Variants in NHSL2 observed in about 807,000 individuals in gnomAD.
NHSL2 encodes NHS like 2.
NHSL2 carries 27 observed loss-of-function variants against 53.4 expected under a neutral mutation model. That is an observed-to-expected ratio of 0.51 (90% CI 0.37 to 0.70). NHSL2 has a LOEUF of 0.70. Among genes scored for constraint, NHSL2 ranks in the 30% least tolerant of loss-of-function variants. The probability of loss-of-function intolerance (pLI) is 0.00; values close to 1 mark genes in which losing one functional copy is unlikely to be tolerated. For missense variants in NHSL2, 892 were observed against 980.1 expected (o/e 0.91, Z 1.20); for synonymous variants, 408 against 404.1 (o/e 1.01, Z -0.12).
At chrX:72,009,371 C>G (rs894703586) in intron 1 of NHSL2, among the ~76,000 whole-genome samples, 1 of 112,446 alleles carries the variant, frequency 8.9e-6, no homozygotes, top group African/African-American at 3.2e-5. Flanking sequence ...CAAACCTAAC[C>G]CGAAGCCAGA....
chrX:72,046,664 A>C (rs893861487), intron 1 of NHSL2, among the ~76,000 whole-genome samples: 10 of 110,381 alleles, frequency 9.1e-5, no homozygotes, highest in Non-Finnish European at 1.9e-4. Flanking sequence ...TAGACTGAGG[A>C]TTATGCTCTC....
At chrX:72,106,168 G>A (rs1006969890) in intron 1 of NHSL2, among the ~76,000 whole-genome samples, 1 of 110,047 alleles carries the variant, frequency 9.1e-6, no homozygotes, top group African/African-American at 3.3e-5. Flanking sequence ...CCGAGATCGC[G>A]CCACTGCACT....
At chrX:71,917,595 A>G (rs1367260732) in intron 1 of NHSL2, among the ~76,000 whole-genome samples, 1 of 110,449 alleles carries the variant, frequency 9.1e-6, no homozygotes, top group African/African-American at 3.3e-5. Context: ...ACAGTGAGCC[A>G]TAGTGCTGTG....
Position 71,911,144 on chromosome X carries a change from G to T in NHSL2, c.57G>T (p.Pro19=). The T allele has an allele frequency of 8.9e-7, 1 of 1,118,837 alleles. No homozygotes were observed. Among genetic ancestry groups the T allele is most frequent in the East Asian group, 3.6e-5 (1 of 27,675 alleles). The allele number at this position is 1,118,837 out of a possible 1,213,427, so 92.2% of individuals were successfully genotyped here. ...AGCGCCTGTGCCCGCGCAACCCGCC[G>T]CAGCAGCTGGCGGAGCTCCGCGACG... ...VPQRLCPRNP[P]QQLAELRDVS... The change falls in exon 1 of 8, where the codon CCG becomes CCT. Residue 19 remains proline (P), a synonymous_variant. Transcript: ENST00000633930.
chrX:71,981,367 G>A (rs761542771), intron 1 of NHSL2, among the ~76,000 whole-genome samples: 7 of 110,141 alleles, frequency 6.4e-5, no homozygotes, highest in East Asian at 5.7e-4. Context: ...CAAACATGGC[G>A]AAACCCCATC....
At chrX:72,040,232 G>A (rs1010121705) in intron 1 of NHSL2, among the ~76,000 whole-genome samples, 1 of 111,686 alleles carries the variant, frequency 9.0e-6, no homozygotes, top group Non-Finnish European at 1.9e-5. Flanking sequence ...AGGAATCAGC[G>A]CTGGATGGGA....
At chrX:71,998,676 T>C (rs756545729) in intron 1 of NHSL2, among the ~76,000 whole-genome samples, 131 of 111,829 alleles carry the variant, frequency 1.2e-3, no homozygotes, top group African/African-American at 4.2e-3. Context: ...TATTGGTTGC[T>C]CTAGGTTAAA....
At chrX:72,069,565 T>C in intron 1 of NHSL2, 2 of 504,492 alleles carry the variant, frequency 4.0e-6, no homozygotes, top group Non-Finnish European at 5.5e-6. Flanking sequence ...GCTGAGGTGA[T>C]GTAAGCACCT....
chrX:72,130,959 A>C (rs1159035457), intron 1 of NHSL2: 87 of 1,211,582 alleles, frequency 7.2e-5, no homozygotes, highest in Non-Finnish European at 9.7e-5. Context: ...CGCCAGTGAA[A>C]AAGGAGATCA....
intron 1 of NHSL2, among the ~76,000 whole-genome samples, chrX:72,006,622 G>A (rs147730515): frequency 1.4e-3 from 152 of 112,316 alleles, no homozygotes; most frequent in African/African-American, 4.6e-3. Flanking sequence ...GTGCCATCAC[G>A]GCTTACTGCA....
At chrX:72,051,841 A>G (rs987551320) in intron 1 of NHSL2, among the ~76,000 whole-genome samples, 1 of 111,316 alleles carries the variant, frequency 9.0e-6, no homozygotes, top group East Asian at 2.8e-4. Flanking sequence ...ACCATTCTCT[A>G]CACCTAGTCT....
In NHSL2 at chrX:72,151,989, A is replaced by G. The variant is rs1326374912; in HGVS notation, c.*8415A>G. 8.8e-6 allele frequency: 1 copy of G among 113,011 alleles called. No individual in the cohort carries two copies. Among genetic ancestry groups the G allele is most frequent in the Non-Finnish European group, 1.9e-5 (1 of 53,392 alleles). The allele number at this position is 113,011 out of a possible 1,213,427, so 9.3% of individuals were successfully genotyped here. On this transcript the variant is annotated 3_prime_UTR_variant, in exon 8 of 8. Coordinates refer to ENST00000633930, the MANE Select transcript of NHSL2 (RefSeq NM_001013627.3). Reference sequence around the variant, plus strand: ...AGCAAGAAAACCAATGAGGTGCAGAAGATATTCTGTGCCCACAGTTTTTCC... The same window carrying G: ...AGCAAGAAAACCAATGAGGTGCAGAGGATATTCTGTGCCCACAGTTTTTCC...
chrX:72,143,733 T>TA lies in NHSL2; in HGVS notation c.*163dup, dbSNP rs2147533486. On this transcript the variant is annotated 3_prime_UTR_variant, in exon 8 of 8. Coordinates refer to ENST00000633930, the MANE Select transcript of NHSL2 (RefSeq NM_001013627.3). ...GGAGAGAGGCTACTTCATCTAGAGC[T>TA]AAAATCATCTGGCACTTAATCATCT... 1 of 405,916 alleles carries TA rather than the reference T, an allele frequency of 2.5e-6. No homozygotes were observed. The highest frequency in any genetic ancestry group is 4.1e-5 in the East Asian group (1 of 24,609). 33.5% of individuals were successfully genotyped at this position (405,916 alleles called of 1,213,427 possible). A position where few individuals can be genotyped will look rare whatever the true frequency, so the allele number is the denominator to read the frequency against.
chrX:71,951,005 T>TACACACACACACACACACAC (rs10527333), intron 1 of NHSL2, among the ~76,000 whole-genome samples: 1,339 of 89,702 alleles, frequency 0.015, 30 homozygotes, highest in African/African-American at 0.038. Flanking sequence ...AAATACAAAA[T>TACACACACACACACACACAC]ACACACACAC....
rs757621264 is a variant in NHSL2, at chrX:71,985,059, G to A, written c.280+73692G>A. Among the ~76,000 whole-genome samples the A allele has an allele frequency of 6.3e-5, 7 of 110,937 alleles. No individual in the cohort carries two copies. The East Asian group carries it at 8.5e-4, about 13-fold the overall frequency. On this transcript the variant is annotated intron_variant, in intron 1 of 7. Transcript: ENST00000633930. ...AGGATGGTGTCGATCTCCTGACCTC[G>A]TGGTCCGCCCACCTTGGCCTCCCAA...
Position 72,093,721 on chromosome X carries a change from G to GCTTGCTTGCTTGCTTGCTTGCTTTCTTT in NHSL2, c.281-38355_281-38354insGCTTGCTTGCTTGCTTGCTTTCTTTCTT, listed in dbSNP as rs1216358306. 1.3e-4 allele frequency among the ~76,000 whole-genome samples: 12 copies of GCTTGCTTGCTTGCTTGCTTGCTTTCTTT among 95,338 alleles called. No individual in the cohort carries two copies. The South Asian group carries it at 2.1e-3, about 16-fold the overall frequency. The allele number at this position is 95,338 out of a possible 115,157, so 82.8% of individuals were successfully genotyped here. On this transcript the variant is annotated intron_variant, in intron 1 of 7. Transcript: ENST00000633930. ...AATATTCCCCTAGTATAGCTTGCTT[G>GCTTGCTTGCTTGCTTGCTTGCTTTCTTT]CTTTCTTTCTTTCTTTCTTTCTTTC...
chrX:72,131,377 C>G, intron 1 of NHSL2: 1 of 1,210,221 alleles, frequency 8.3e-7, no homozygotes, highest in Non-Finnish European at 1.1e-6. Flanking sequence ...TACTGGCCAG[C>G]GGATGTAGCT....
intron 1 of NHSL2, among the ~76,000 whole-genome samples, chrX:72,018,303 C>G (rs1047374419): frequency 1.8e-5 from 2 of 111,672 alleles, no homozygotes; most frequent in Non-Finnish European, 3.8e-5. Flanking sequence ...TAGGCCCTCC[C>G]CTGCTTCTTA....
At chrX:72,117,597 C>T (rs2042149296) in intron 1 of NHSL2, among the ~76,000 whole-genome samples, 1 of 109,838 alleles carries the variant, frequency 9.1e-6, no homozygotes, top group African/African-American at 3.3e-5. Context: ...CATTTCCCCT[C>T]AATCGCCTCC....
Sources: allele counts gnomAD v4.1 joint callset (sites outside exome capture counted in the v4.1 genomes callset), GRCh38; gene constraint gnomAD v4.1.1; transcripts MANE v1.5; gene names NCBI Gene and HGNC (gene_info 2026-07-23, HGNC 2026-07-21).